The following PTP4A3 variants were observed in gnomAD, a reference collection of about 807,000 sequenced individuals.
The protein encoded by PTP4A3 is protein tyrosine phosphatase 4A3.
PTP4A3 carries 9 observed loss-of-function variants against 15.2 expected under a neutral mutation model. The observed-to-expected ratio is 0.59, with a 90% CI of 0.36 to 1.03. The LOEUF (loss-of-function observed/expected upper bound fraction) is 1.03, where lower values mean the gene tolerates loss of function less well. Ranked by LOEUF, PTP4A3 falls within the 50% of genes least tolerant of loss-of-function variation. PTP4A3 has a pLI of 0.02. For missense variants in PTP4A3, 234 were observed against 252.1 expected (o/e 0.93, Z 0.49); for synonymous variants, 95 against 102.0 (o/e 0.93, Z 0.41).
At position 141,425,121 on chromosome 8, in the gene PTP4A3, A is replaced by G; in HGVS notation, c.179A>G (p.Lys60Arg). ...EVTYDKTPLEKDGITVVDWPF... is the reference protein window; with the variant it reads ...EVTYDKTPLERDGITVVDWPF... The stretch of plus-strand genomic sequence containing the variant: ...ACCTATGACAAAACGCCGCTGGAGA[A>G]GGATGGCATCACCGTTGTGGTGAGG... The change falls in exon 3 of 6, where the codon AAG (lysine) becomes AGG (arginine). Residue 60 changes from lysine (K) to arginine (R), a missense_variant. Transcript: ENST00000521578. The surrounding 1 kb of genome is among the most constrained non-coding windows in gnomAD (Gnocchi z 4.2). 1 of 1,484,122 alleles carries G rather than the reference A, an allele frequency of 6.7e-7. No individual in the cohort carries two copies. Among genetic ancestry groups the G allele is most frequent in the Non-Finnish European group, 9.1e-7 (1 of 1,098,294 alleles). The allele number at this position is 1,484,122 out of a possible 1,614,324, so 91.9% of individuals were successfully genotyped here. A position where few individuals can be genotyped will look rare whatever the true frequency, so the allele number is the denominator to read the frequency against.
chr8:141,423,018 C>T (rs560331181), intron 2 of PTP4A3, among the ~76,000 whole-genome samples: 22 of 152,334 alleles, frequency 1.4e-4, no homozygotes, highest in East Asian at 1.2e-3. Context: ...CCGTTTGCAG[C>T]GTCTGCAGTT....
intron 1 of PTP4A3, among the ~76,000 whole-genome samples, chr8:141,400,073 A>C (rs1157482353): frequency 6.6e-6 from 1 of 152,116 alleles, no homozygotes; most frequent in Non-Finnish European, 1.5e-5. Flanking sequence ...ATGCCCAGCT[A>C]TTTTTTGTAG....
intron 1 of PTP4A3, among the ~76,000 whole-genome samples, chr8:141,404,630 G>T (rs1373894876): frequency 1.3e-5 from 2 of 152,240 alleles, no homozygotes; most frequent in Non-Finnish European, 2.9e-5. Context: ...GATTTGGATG[G>T]ACAGAATGGA....
Position 141,425,019 on chromosome 8 carries a change from C to T in PTP4A3, c.106-29C>T, listed in dbSNP as rs1833501666. 6 of 1,584,392 alleles carry T rather than the reference C, an allele frequency of 3.8e-6. No homozygotes were observed. Among genetic ancestry groups the T allele is most frequent in the South Asian group, 1.1e-5 (1 of 90,210 alleles). On this transcript the variant is annotated intron_variant, in intron 2 of 5. Coordinates refer to ENST00000521578, the MANE Select transcript of PTP4A3 (RefSeq NM_032611.3). The surrounding 1 kb of genome is among the most constrained non-coding windows in gnomAD (Gnocchi z 4.2). ...CCTGAGCCCTGCAGCCCCAGCCCAG[C>T]CCTGCCTCCTCCGTCCTCCCACCCC...
At chr8:141,418,897 G>A (rs932968989) in intron 1 of PTP4A3, among the ~76,000 whole-genome samples, 2 of 152,160 alleles carry the variant, frequency 1.3e-5, no homozygotes, top group Admixed American at 1.3e-4. Context: ...TTTCTCCCTT[G>A]GGGGACAGCC....
At chr8:141,403,872 G>A (rs1303523398) in intron 1 of PTP4A3, among the ~76,000 whole-genome samples, 2 of 152,226 alleles carry the variant, frequency 1.3e-5, no homozygotes, top group Admixed American at 6.5e-5. Flanking sequence ...GTCTGACTAT[G>A]TCTATTTGAC....
Position 141,425,180 on chromosome 8 carries a change from C to CGGGGG in PTP4A3, c.198+40_198+41insGGGGG. ...ACGGGGACCCTAGTCACTGCTGCCACCGGGGGAGGGTGGGGCGGGGGGCTC... is the reference window on the plus strand; with the variant it reads ...ACGGGGACCCTAGTCACTGCTGCCACGGGGGCGGGGGAGGGTGGGGCGGGGGGCTC... On this transcript the variant is annotated intron_variant, in intron 3 of 5. Transcript: ENST00000521578. The surrounding 1 kb of genome is among the most constrained non-coding windows in gnomAD (Gnocchi z 4.2). 1 of 522,620 alleles carries CGGGGG rather than the reference C, an allele frequency of 1.9e-6. No homozygotes were observed. The highest frequency in any genetic ancestry group is 2.0e-5 in the Admixed American group (1 of 49,716). The allele number at this position is 522,620 out of a possible 1,614,324, so 32.4% of individuals were successfully genotyped here.
chr8:141,404,221 C>T lies in PTP4A3; in HGVS notation c.-854+12137C>T, dbSNP rs924129590. On this transcript the variant is annotated intron_variant, in intron 1 of 5. Transcript: ENST00000521578. ...GGAAGCGATTTTTTTTTCTCGTCAGCGTTATCACAAAACCACGTTGAAAGC... is the reference window on the plus strand; with the variant it reads ...GGAAGCGATTTTTTTTTCTCGTCAGTGTTATCACAAAACCACGTTGAAAGC... 6.6e-5 allele frequency among the ~76,000 whole-genome samples: 10 copies of T among 152,260 alleles called. No individual in the cohort carries two copies. The East Asian group carries it at 1.5e-3, about 23-fold the overall frequency.
intron 1 of PTP4A3, among the ~76,000 whole-genome samples, chr8:141,417,771 G>A (rs555106444): frequency 1.2e-3 from 188 of 152,090 alleles, no homozygotes; most frequent in Non-Finnish European, 2.1e-3. Context: ...CGCCCTGCGC[G>A]GCCCCTTTGT....
chr8:141,418,114 G>A (rs532379986), intron 1 of PTP4A3, among the ~76,000 whole-genome samples: 2 of 152,164 alleles, frequency 1.3e-5, no homozygotes, highest in African/African-American at 4.8e-5. Flanking sequence ...CTGGGCGGGA[G>A]CCCCGCTGGC....
chr8:141,392,278 G>A (rs1360004087), intron 1 of PTP4A3, 194 bp downstream of exon 1: 6 of 151,974 alleles, frequency 3.9e-5, no homozygotes, highest in African/African-American at 1.4e-4. Context: ...GCGGGAACGT[G>A]GGCCTGGAGG....
chr8:141,399,603 G>C (rs116738574), intron 1 of PTP4A3, among the ~76,000 whole-genome samples: 3 of 152,238 alleles, frequency 2.0e-5, no homozygotes, highest in Non-Finnish European at 4.4e-5. Flanking sequence ...GGGAGACCCC[G>C]GCCCCCACAG....
intron 1 of PTP4A3, among the ~76,000 whole-genome samples, chr8:141,407,249 C>T (rs571926979): frequency 6.6e-6 from 1 of 152,282 alleles, no homozygotes; most frequent in Non-Finnish European, 1.5e-5. Context: ...CCTCTCCATT[C>T]CTTCACACAC....
intron 1 of PTP4A3, among the ~76,000 whole-genome samples, chr8:141,407,356 T>C (rs1002020726): frequency 1.3e-5 from 2 of 152,148 alleles, no homozygotes; most frequent in African/African-American, 4.8e-5. Context: ...TTGTGGGTGA[T>C]GGTTAAGGTG....
chr8:141,406,236 G>A lies in PTP4A3; in HGVS notation c.-854+14152G>A, dbSNP rs149877581. Among the ~76,000 whole-genome samples the A allele has an allele frequency of 5.3e-5, 8 of 152,188 alleles. No individual in the cohort carries two copies. Among genetic ancestry groups the A allele is most frequent in the Non-Finnish European group, 1.2e-4 (8 of 67,990 alleles). On this transcript the variant is annotated intron_variant, in intron 1 of 5. Coordinates refer to ENST00000521578, the MANE Select transcript of PTP4A3 (RefSeq NM_032611.3). This position sits in a 1 kb window ranked among gnomAD's most constrained non-coding sequence, Gnocchi z 4.5. ...CTCAGGTGTCACCATTTCACTTGTC[G>A]GCCACCCACGGCTGCTTCCTGCCCC...
At chr8:141,403,027 T>A (rs1334354734) in intron 1 of PTP4A3, among the ~76,000 whole-genome samples, 3 of 152,142 alleles carry the variant, frequency 2.0e-5, no homozygotes, top group Non-Finnish European at 4.4e-5. Flanking sequence ...GGGCCGCTGT[T>A]CTTCCGTCCA....
At position 141,422,217 on chromosome 8, in the gene PTP4A3, C is replaced by G. The variant is rs765575889; in HGVS notation, c.-24C>G. On this transcript the variant is annotated 5_prime_UTR_variant, in exon 2 of 6. Coordinates refer to ENST00000521578, the MANE Select transcript of PTP4A3 (RefSeq NM_032611.3). ...AGCCTTCTCTGCAGTCCCTTCTGCC[C>G]TGCCGGGCCCGTCGGGAGGCGCCAT... The G allele has an allele frequency of 2.5e-5, 40 of 1,612,334 alleles. No homozygotes were observed. The South Asian group carries it at 4.1e-4, about 16-fold the overall frequency.
At chr8:141,394,731 C>T (rs1051108796) in intron 1 of PTP4A3, among the ~76,000 whole-genome samples, 8 of 152,348 alleles carry the variant, frequency 5.3e-5, no homozygotes, top group African/African-American at 1.9e-4. Flanking sequence ...TGACCTGGAC[C>T]GGCTCGCAGG....
At chr8:141,417,948 C>T (rs1382478314) in intron 1 of PTP4A3, among the ~76,000 whole-genome samples, 1 of 151,832 alleles carries the variant, frequency 6.6e-6, no homozygotes, top group Non-Finnish European at 1.5e-5. Flanking sequence ...GGCGGCGCCC[C>T]GACCCAGGGC....
Sources: allele counts gnomAD v4.1 joint callset (sites outside exome capture counted in the v4.1 genomes callset), GRCh38; gene constraint gnomAD v4.1.1; non-coding constraint Gnocchi (gnomAD v3.1); transcripts MANE v1.5; gene names NCBI Gene and HGNC (gene_info 2026-07-23, HGNC 2026-07-21).